Variants in PCNX3 observed in about 807,000 individuals in gnomAD.
PCNX3 encodes the protein pecanex-like protein 3.
In PCNX3, 58 loss-of-function variants were observed where a neutral mutation model predicts 207.2. That is an observed-to-expected ratio of 0.28 (90% CI 0.23 to 0.35). PCNX3 has a LOEUF of 0.35. Among genes scored for constraint, PCNX3 ranks in the 10% least tolerant of loss-of-function variants. PCNX3 has a pLI of 1.00. For missense variants in PCNX3, 2,410 were observed against 2,774.4 expected, an observed-to-expected ratio of 0.87 and a Z score of 2.95; for synonymous variants, 1,337 against 1,183.5, an observed-to-expected ratio of 1.13 and a Z score of -2.66.
chr11:65,620,449 C>T lies in PCNX3; in HGVS notation c.2099+20C>T. 1 of 1,608,668 alleles carries T rather than the reference C, an allele frequency of 6.2e-7. No homozygotes were observed. ...AGCCTGGTGAGTTCCCAAGCCTGGC[C>T]TCCCAAGCCATTGTCTTGGTGGCCT... is the stretch of plus-strand genomic sequence containing the variant. On this transcript the variant is annotated intron_variant, in intron 9 of 34. Coordinates refer to ENST00000355703, the MANE Select transcript of PCNX3 (RefSeq NM_032223.4).
In PCNX3 at chr11:65,616,476, C is replaced by T. The variant is rs1854734461; in HGVS notation, c.153+12C>T. 2 of 1,597,262 alleles carry T rather than the reference C, an allele frequency of 1.3e-6. No individual in the cohort carries two copies. Among genetic ancestry groups the T allele is most frequent in the Non-Finnish European group, 8.5e-7 (1 of 1,174,804 alleles). ...TCTTACTGTACATGGTGAGACGCCA[C>T]GGCCACCTGTAACTCCAGCCGGGAG... On this transcript the variant is annotated intron_variant, in intron 1 of 34. Coordinates refer to ENST00000355703, the MANE Select transcript of PCNX3 (RefSeq NM_032223.4).
Position 65,619,004 on chromosome 11 carries a change from G to A in PCNX3, c.1642G>A (p.Gly548Arg). ...PVVLPAEARR[G>R]PAANQPGWRG... Reference sequence around the variant, plus strand: ...TGTGCTGCCTGCTGAGGCGCGAAGGGGACCCGCTGCCAACCAGCCCGGCTG... The same window carrying A: ...TGTGCTGCCTGCTGAGGCGCGAAGGAGACCCGCTGCCAACCAGCCCGGCTG... Residue 548 changes from glycine to arginine, a missense_variant, in exon 6 of 35, where the codon GGA (glycine) becomes AGA (arginine). Physicochemically the swap from Gly to Arg is moderately radical, Grantham distance 125 (BLOSUM62 -2). Around this residue, in one of 8 missense-constraint regions of PCNX3, gnomAD observed 1,104 missense variants for 970.3 expected, o/e 1.14. Coordinates refer to ENST00000355703, the MANE Select transcript of PCNX3 (RefSeq NM_032223.4). 6.3e-7 allele frequency: 1 copy of A among 1,597,606 alleles called. No individual in the cohort carries two copies. The highest frequency in any genetic ancestry group is 8.5e-7 in the Non-Finnish European group (1 of 1,178,264).
intron 10 of PCNX3, among the ~76,000 whole-genome samples, chr11:65,621,334 G>T (rs1855086339): frequency 6.6e-6 from 1 of 152,220 alleles, no homozygotes; most frequent in South Asian, 2.1e-4. Context: ...CTGTGCACGT[G>T]TGGCTGCTGG....
chr11:65,629,851 G>T lies in PCNX3; in HGVS notation c.4216+116G>T, dbSNP rs114506770. ...CCAGCTCTGTCCAGGCTGGCGGGTG[G>T]CCTTGGGCAAGGCACTCCTCCTCCC... On this transcript the variant is annotated intron_variant, in intron 26 of 34. Coordinates refer to ENST00000355703, the MANE Select transcript of PCNX3 (RefSeq NM_032223.4). 7,426 of 1,208,588 alleles carry T rather than the reference G, an allele frequency of 6.1e-3. 293 individuals carry two copies. In the African/African-American group the frequency reaches 0.093, roughly 15 times the overall value. 74.9% of individuals were successfully genotyped at this position (1,208,588 alleles called of 1,614,324 possible).
In PCNX3 at chr11:65,616,223, G is replaced by C; in HGVS notation, c.-89G>C. The C allele has an allele frequency of 9.0e-7, 1 of 1,114,662 alleles. No homozygotes were observed. The highest frequency in any genetic ancestry group is 1.2e-6 in the Non-Finnish European group (1 of 838,006). The allele number at this position is 1,114,662 out of a possible 1,614,324, so 69.0% of individuals were successfully genotyped here. On this transcript the variant is annotated 5_prime_UTR_variant, in exon 1 of 35. Transcript: ENST00000355703. Reference sequence around the variant, plus strand: ...TGGCGTGAGCGTGAGGCCGGGCCCCGGGGCCCTCAGGCGCCAGACGGGGCA... The same window carrying C: ...TGGCGTGAGCGTGAGGCCGGGCCCCCGGGCCCTCAGGCGCCAGACGGGGCA...
Position 65,634,212 on chromosome 11 carries a change from G to C in PCNX3, c.4557G>C (p.Arg1519=). The C allele has an allele frequency of 1.2e-6, 2 of 1,613,484 alleles. No individual in the cohort carries two copies. Among genetic ancestry groups the C allele is most frequent in the South Asian group, 2.2e-5 (2 of 91,030 alleles). ...TCACGGCAGCCCTGAGGCCTGTGCG[G>C]GTGCCCGGCTATGCCGACTCGGATC... is the stretch of plus-strand genomic sequence containing the variant. ...EGITAALRPV[R]VPGYADSDPT... Residue 1519 remains arginine, a synonymous_variant, in exon 28 of 35, where the codon CGG becomes CGC. Coordinates refer to ENST00000355703, the MANE Select transcript of PCNX3 (RefSeq NM_032223.4).
In PCNX3 at chr11:65,616,397, C is replaced by T. The variant is rs1231095619; in HGVS notation, c.86C>T (p.Thr29Ile). Residue 29 changes from threonine (T) to isoleucine (I), a missense_variant, in exon 1 of 35, where the codon ACC becomes ATC. By Grantham distance (89) the Thr-to-Ile change is moderately conservative (BLOSUM62 -1). Around this residue, in one of 8 missense-constraint regions of PCNX3, gnomAD observed 1,104 missense variants for 970.3 expected, o/e 1.14. Transcript: ENST00000355703. Reference protein sequence around the residue: ...GGWFFDPHQSTFSNCFHLYVW... With the variant: ...GGWFFDPHQSIFSNCFHLYVW... ...TGGTTCTTCGACCCGCACCAGAGCACCTTCTCCAACTGCTTCCACCTCTAT... is the reference window on the plus strand; with the variant it reads ...TGGTTCTTCGACCCGCACCAGAGCATCTTCTCCAACTGCTTCCACCTCTAT... 2 of 1,610,806 alleles carry T rather than the reference C, an allele frequency of 1.2e-6. No individual in the cohort carries two copies. The highest frequency in any genetic ancestry group is 3.3e-5 in the Admixed American group (2 of 59,888).
intron 9 of PCNX3, 66 bp downstream of exon 9, chr11:65,620,495 G>T (rs1855029211): frequency 1.3e-6 from 2 of 1,544,050 alleles, no homozygotes; most frequent in African/African-American, 2.7e-5. Flanking sequence ...GAAGTTCCCT[G>T]AGCCTGGAGT....
rs777285917 is a variant in PCNX3 at position 65,627,525 on chromosome 11, G to A, written c.3645G>A (p.Pro1215=). The A allele has an allele frequency of 5.6e-6, 9 of 1,613,760 alleles. No homozygotes were observed. Among genetic ancestry groups the A allele is most frequent in the South Asian group, 3.3e-5 (3 of 91,084 alleles). Residue 1215 remains proline, a synonymous_variant, in exon 22 of 35, where the codon CCG becomes CCA. Transcript: ENST00000355703. ...TCCTGCTCTTCCACTTTGACTACCC[G>A]CGCCTCTCCCAGGGCTTTCTGCTTG... ...FTVLLFHFDY[P]RLSQGFLLDY...
intron 26 of PCNX3, among the ~76,000 whole-genome samples, chr11:65,629,958 AG>A (rs1302777306): frequency 6.6e-6 from 1 of 152,214 alleles, no homozygotes; most frequent in African/African-American, 2.4e-5. Context: ...TTTAGGTCCC[AG>A]TGACTCTACA....
chr11:65,626,120 C>T (rs1250332725), intron 20 of PCNX3, 66 bp downstream of exon 20: 7 of 1,539,806 alleles, frequency 4.5e-6, no homozygotes, highest in Non-Finnish European at 3.5e-6. Context: ...CTGGTGGGAG[C>T]TGTGGTCCTC....
chr11:65,624,062 C>T (rs1215082167), intron 13 of PCNX3, 101 bp downstream of exon 13: 1 of 1,568,336 alleles, frequency 6.4e-7, no homozygotes, highest in Non-Finnish European at 8.6e-7. Context: ...GCTCCCTCAC[C>T]ACCCCCATCA....
chr11:65,636,266 A>G lies in PCNX3; in HGVS notation c.5552A>G (p.Asn1851Ser), dbSNP rs746703100. 5.9e-5 allele frequency: 94 copies of G among 1,598,460 alleles called. No individual in the cohort carries two copies. The highest frequency in any genetic ancestry group is 7.2e-5 in the Non-Finnish European group (84 of 1,172,380). Residue 1851 changes from asparagine to serine, a missense_variant, in exon 33 of 35, where the codon AAT becomes AGT. Asn to Ser is a conservative substitution (Grantham distance 46). Transcript: ENST00000355703. ...SGGGGLTSLS[N>S]NPPVAHPTPE... is the part of the protein sequence containing the mutation. The stretch of plus-strand genomic sequence containing the variant: ...GGCGGTGGCCTGACCTCCCTCAGCA[A>G]TAACCCCCCCGTGGCACACCCCACA...
At chr11:65,631,382 C>T (rs1373656267) in intron 27 of PCNX3, among the ~76,000 whole-genome samples, 3 of 152,152 alleles carry the variant, frequency 2.0e-5, no homozygotes, top group South Asian at 2.1e-4. Context: ...CTTGGCCAAG[C>T]GTGGTGGCTC....
In PCNX3 at chr11:65,625,450, C is replaced by A. The variant is rs1161722586; in HGVS notation, c.3075C>A (p.Ser1025Arg). ...TGTTCCCTGAGCTGGAGGAGCGCAGCTTGGAGACAGCCCGGGCCGAGCCCC... is the reference window on the plus strand; with the variant it reads ...TGTTCCCTGAGCTGGAGGAGCGCAGATTGGAGACAGCCCGGGCCGAGCCCC... ...SKLFPELEERSLETARAEPPD... is the reference protein window; with the variant it reads ...SKLFPELEERRLETARAEPPD... The change falls in exon 18 of 35, where the codon AGC becomes AGA. Residue 1025 changes from serine (S) to arginine (R), a missense_variant. Transcript: ENST00000355703. The surrounding 1 kb of genome is among the most constrained non-coding windows in gnomAD (Gnocchi z 5.6). 1 of 1,605,894 alleles carries A rather than the reference C, an allele frequency of 6.2e-7. No individual in the cohort carries two copies. Among genetic ancestry groups the A allele is most frequent in the Admixed American group, 1.7e-5 (1 of 60,006 alleles).
At chr11:65,633,998 C>T (rs1206617217) in intron 27 of PCNX3, 128 bp from the exon 28 acceptor site, 3 of 876,048 alleles carry the variant, frequency 3.4e-6, no homozygotes, top group East Asian at 5.3e-5. Context: ...TGAGATGGCT[C>T]TAGGAGCGGG....
At chr11:65,632,804 G>C (rs1056145739) in intron 27 of PCNX3, among the ~76,000 whole-genome samples, 3 of 151,066 alleles carry the variant, frequency 2.0e-5, no homozygotes, top group Non-Finnish European at 2.9e-5. Context: ...GAGTGCAGTG[G>C]TGCCATCTGG....
At chr11:65,627,620 A>G (rs749409997) in intron 22 of PCNX3, 38 bp downstream of exon 22, 4 of 1,605,342 alleles carry the variant, frequency 2.5e-6, no homozygotes, top group East Asian at 4.5e-5. Context: ...CAGGCTGTCC[A>G]ATGGGAGCAG....
chr11:65,623,806 G>T, intron 12 of PCNX3, 123 bp from the exon 13 acceptor site: 1 of 1,542,846 alleles, frequency 6.5e-7, no homozygotes, highest in Non-Finnish European at 8.9e-7. Flanking sequence ...TGAGGCTCAG[G>T]ACAGTTCGGG....
Sources: gnomAD v4.1 joint callset for allele counts (sites outside exome capture counted in the v4.1 genomes callset) on GRCh38, gnomAD v4.1.1 for gene constraint, gnomAD v4.1.1 regional missense constraint, Gnocchi (gnomAD v3.1) non-coding constraint, MANE v1.5 for transcripts, NCBI Gene and HGNC (gene_info 2026-07-23, HGNC 2026-07-21) for gene names.